The following ACER1 variants were observed in gnomAD, a reference collection of about 807,000 sequenced individuals.
ACER1 encodes the protein CTB-180A7.3.
In ACER1, 28 loss-of-function variants were observed where a neutral mutation model predicts 24.9. That is an observed-to-expected ratio of 1.13 (90% confidence interval 0.83 to 1.54). The LOEUF is 1.54. ACER1 is among the 40% of genes most tolerant of loss of function. The pLI is 0.00. For synonymous variants in ACER1, 132 were observed against 131.4 expected (o/e 1.00, Z -0.03); for missense variants, 352 against 349.3 (o/e 1.01, Z -0.06).
chr19:6,309,725 G>C lies in ACER1; in HGVS notation c.460C>G (p.Leu154Val). The change falls in exon 4 of 6, where the codon CTC (leucine) becomes GTC (valine). Residue 154 changes from leucine (L) to valine (V), a missense_variant. Transcript: ENST00000301452. ...CTGTACTCCTGGCACACGATGTAGA[G>C]AATGTGCAGGGCAATGCTGTTGAGG... Reference protein sequence around the residue: ...YALNSIALHILYIVCQEYRKT... With the variant: ...YALNSIALHIVYIVCQEYRKT... The C allele has an allele frequency of 1.2e-6, 2 of 1,614,084 alleles. No homozygotes were observed. The highest frequency in any genetic ancestry group is 1.7e-6 in the Non-Finnish European group (2 of 1,179,994).
At chr19:6,311,496 C>G (rs538837062) in intron 3 of ACER1, among the ~76,000 whole-genome samples, 1 of 151,548 alleles carries the variant, frequency 6.6e-6, no homozygotes, top group Non-Finnish European at 1.5e-5. Context: ...GAGCCGAGAT[C>G]GCACCACTGC....
At position 6,333,419 on chromosome 19, in the gene ACER1, C is replaced by T. The variant is rs188102769; in HGVS notation, c.93+40G>A. 973 of 1,497,254 alleles carry T rather than the reference C, an allele frequency of 6.5e-4. 10 individuals carry two copies. Among genetic ancestry groups the T allele is most frequent in the Middle Eastern group, 1.4e-3 (8 of 5,838 alleles). 92.7% of individuals were successfully genotyped at this position (1,497,254 alleles called of 1,614,324 possible). A position where few individuals can be genotyped will look rare whatever the true frequency, so the allele number is the denominator to read the frequency against. ...TATGGGGAGGAACCGGGATTCGAAC[C>T]GGCATCTGGCGAGACTCCTTCACAC... On this transcript the variant is annotated intron_variant, in intron 1 of 5. Transcript: ENST00000301452.
At chr19:6,338,350 A>G (rs2091722923), upstream of ACER1, among the ~76,000 whole-genome samples, 1 of 152,208 alleles carries the variant, frequency 6.6e-6, no homozygotes, top group African/African-American at 2.4e-5. Flanking sequence ...TACATGTGAT[A>G]TTATTGCATA....
the ACER1 span, among the ~76,000 whole-genome samples, chr19:6,340,291 A>G: frequency 1.2e-5 from 1 of 85,956 alleles, no homozygotes; most frequent in African/African-American, 4.8e-5. Context: ...AAAAAAAGAA[A>G]GAAGGAAGGA....
At chr19:6,347,109 A>AAAATATATATATATATATAT in the ACER1 span, among the ~76,000 whole-genome samples, 6 of 113,816 alleles carry the variant, frequency 5.3e-5, no homozygotes, top group African/African-American at 3.0e-4. Flanking sequence ...AAAAAAAAAA[A>AAAATATATATATATATATAT]ATATATATAT....
At position 6,312,140 on chromosome 19, in the gene ACER1, C is replaced by T. The variant is rs1600235419; in HGVS notation, c.350+9G>A. ...CCCACCCTGTCCAGATGGCCAGCCC[C>T]TGACCCACCTGTTCCCCCCAAGGAA... On this transcript the variant is annotated intron_variant, in intron 3 of 5. Transcript: ENST00000301452. 1 of 1,612,886 alleles carries T rather than the reference C, an allele frequency of 6.2e-7. No individual in the cohort carries two copies. Among genetic ancestry groups the T allele is most frequent in the Middle Eastern group, 1.8e-4 (1 of 5,546 alleles).
intron 1 of ACER1, among the ~76,000 whole-genome samples, chr19:6,327,798 C>T (rs1183914299): frequency 5.3e-5 from 8 of 151,482 alleles, no homozygotes; most frequent in South Asian, 2.1e-4. Flanking sequence ...AAAAATTGGC[C>T]AGGCACGGTG....
chr19:6,336,120 C>T (rs1399677094), upstream of ACER1, among the ~76,000 whole-genome samples: 1 of 151,886 alleles, frequency 6.6e-6, no homozygotes, highest in Non-Finnish European at 1.5e-5. Flanking sequence ...AGGCTAGTCT[C>T]GAACTCGTGA....
chr19:6,317,081 C>T (rs929904857), intron 1 of ACER1, among the ~76,000 whole-genome samples: 5 of 147,898 alleles, frequency 3.4e-5, no homozygotes, highest in African/African-American at 1.2e-4. Context: ...TCAAGCGATT[C>T]TCCTGCCTCA....
chr19:6,314,194 G>A (rs2091593318), intron 1 of ACER1, among the ~76,000 whole-genome samples: 1 of 151,804 alleles, frequency 6.6e-6, no homozygotes, highest in Non-Finnish European at 1.5e-5. Flanking sequence ...AATTGGCCAG[G>A]TGCAGTGGAT....
chr19:6,338,301 TGTAA>T (rs1422398739), upstream of ACER1, among the ~76,000 whole-genome samples: 2 of 151,952 alleles, frequency 1.3e-5, no homozygotes, highest in Non-Finnish European at 2.9e-5. Context: ...CCAAAATAAA[TGTAA>T]GTGTTACAAT....
rs555312187 is a variant in ACER1, at chr19:6,312,156, C to T, written c.343G>A (p.Gly115Arg). The part of the protein sequence containing the change: ...PRCYFPSFLG[G>R]NRSQFIRLVF... ...GGCCAGCCCCTGACCCACCTGTTCC[C>T]CCCAAGGAAGGAGGGGAAATAGCAG... The change falls in exon 3 of 6, where the codon GGG becomes AGG. Residue 115 changes from glycine (G) to arginine (R), a missense_variant. Transcript: ENST00000301452. 1 of 1,613,680 alleles carries T rather than the reference C, an allele frequency of 6.2e-7. No homozygotes were observed.
the ACER1 span, among the ~76,000 whole-genome samples, chr19:6,346,148 T>C: frequency 1.3e-5 from 2 of 152,174 alleles, no homozygotes; most frequent in Non-Finnish European, 2.9e-5. Context: ...GTTTTTGGCA[T>C]AAATATGTTC....
At chr19:6,342,357 C>T in the ACER1 span, among the ~76,000 whole-genome samples, 4,581 of 141,942 alleles carry the variant, frequency 0.032, 107 homozygotes, top group Non-Finnish European at 0.05. Flanking sequence ...TGTTTGAGTT[C>T]GAGACCAGCC....
rs1184964341 is a variant in ACER1 at position 6,306,660 on chromosome 19, C to T, written c.*54G>A. Reference sequence around the variant, plus strand: ...TGCAAGTCCTGACCGGGGCTATCTTCTCAAGACACAGGCAAGTTGTTGGGT... The same window carrying T: ...TGCAAGTCCTGACCGGGGCTATCTTTTCAAGACACAGGCAAGTTGTTGGGT... On this transcript the variant is annotated 3_prime_UTR_variant, in exon 6 of 6. Coordinates refer to ENST00000301452, the MANE Select transcript of ACER1 (RefSeq NM_133492.3). 1 of 1,558,554 alleles carries T rather than the reference C, an allele frequency of 6.4e-7. No homozygotes were observed. Among genetic ancestry groups the T allele is most frequent in the Non-Finnish European group, 8.7e-7 (1 of 1,148,768 alleles).
At chr19:6,315,106 ATCTCCTGACCCCATGATCC>A (rs1164115892) in intron 1 of ACER1, among the ~76,000 whole-genome samples, 1 of 151,764 alleles carries the variant, frequency 6.6e-6, no homozygotes, top group African/African-American at 2.4e-5. Context: ...CGTGGTCTCA[ATCTCCTGACCCCATGATCC>A]GCCCGCCTCG....
intron 1 of ACER1, among the ~76,000 whole-genome samples, chr19:6,332,266 CTT>C (rs1199664621): frequency 0.014 from 1,423 of 99,684 alleles, 13 homozygotes; most frequent in African/African-American, 0.06. Flanking sequence ...CGCGCCCGGC[CTT>C]TTTTTTTTTT....
chr19:6,311,431 A>C (rs1456235467), intron 3 of ACER1, among the ~76,000 whole-genome samples: 1 of 151,942 alleles, frequency 6.6e-6, no homozygotes, highest in Non-Finnish European at 1.5e-5. Flanking sequence ...AATCCCAGCT[A>C]CTCGGGAGGC....
the ACER1 span, among the ~76,000 whole-genome samples, chr19:6,342,636 G>A: frequency 4.6e-5 from 7 of 150,794 alleles, no homozygotes; most frequent in East Asian, 8.2e-4. Flanking sequence ...GGAGAATGGC[G>A]TGAACCCAGG....
Sources: gnomAD v4.1 joint callset for allele counts (sites outside exome capture counted in the v4.1 genomes callset) on GRCh38, gnomAD v4.1.1 for gene constraint, MANE v1.5 for transcripts, NCBI Gene and HGNC (gene_info 2026-07-23, HGNC 2026-07-21) for gene names.